LNX2: variants seen among roughly 807,000 people sequenced by gnomAD.
The protein encoded by LNX2 is ligand of numb-protein X 2.
A neutral mutation model predicts 66.2 loss-of-function variants in LNX2; 35 were observed. The observed-to-expected ratio is 0.53, with a 90% CI of 0.40 to 0.70. The LOEUF (loss-of-function observed/expected upper bound fraction) is 0.70. LNX2 is among the 30% of genes least tolerant of loss of function. The pLI is 0.00. For missense variants in LNX2, 791 were observed against 850.8 expected (o/e 0.93, Z 0.87); for synonymous variants, 337 against 315.6 (o/e 1.07, Z -0.72).
intron 1 of LNX2, among the ~76,000 whole-genome samples, chr13:27,601,383 A>G (rs1955656619): frequency 6.6e-6 from 1 of 152,210 alleles, no homozygotes; most frequent in South Asian, 2.1e-4. Flanking sequence ...ACGTGATGCA[A>G]TTCCACAGAA....
intron 9 of LNX2, among the ~76,000 whole-genome samples, chr13:27,549,444 C>T (rs894066396): frequency 2.6e-5 from 4 of 152,116 alleles, no homozygotes; most frequent in Admixed American, 6.6e-5. Context: ...TTTGATAAGA[C>T]GCTGTACACT....
intron 2 of LNX2, among the ~76,000 whole-genome samples, chr13:27,577,850 G>A (rs988620457): frequency 2.6e-5 from 4 of 152,184 alleles, no homozygotes; most frequent in African/African-American, 9.7e-5. Context: ...AGGGTGGGTT[G>A]GAGATGAGTG....
At chr13:27,574,951 C>G (rs144167678) in intron 2 of LNX2, among the ~76,000 whole-genome samples, 2 of 152,174 alleles carry the variant, frequency 1.3e-5, no homozygotes, top group Non-Finnish European at 2.9e-5. Flanking sequence ...GGAGAAAACT[C>G]TCAACCAGGA....
In LNX2 at chr13:27,547,159, T is replaced by A. The variant is rs1439455634; in HGVS notation, c.*1176A>T. 6.6e-6 allele frequency: 1 copy of A among 152,240 alleles called. No individual in the cohort carries two copies. The highest frequency in any genetic ancestry group is 1.5e-5 in the Non-Finnish European group (1 of 68,028). The allele number at this position is 152,240 out of a possible 1,614,324, so 9.4% of individuals were successfully genotyped here. A position where few individuals can be genotyped will look rare whatever the true frequency, so the allele number is the denominator to read the frequency against. Reference sequence around the variant, plus strand: ...AGGTATTTAATAATATGGTTTTATCTTTATCATTTCGTTTAATCGCATAAA... The same window carrying A: ...AGGTATTTAATAATATGGTTTTATCATTATCATTTCGTTTAATCGCATAAA... On this transcript the variant is annotated 3_prime_UTR_variant, in exon 10 of 10. Transcript: ENST00000316334.
At chr13:27,604,802 C>T (rs1391711143) in intron 1 of LNX2, among the ~76,000 whole-genome samples, 4 of 151,160 alleles carry the variant, frequency 2.6e-5, no homozygotes, top group Non-Finnish European at 5.9e-5. Flanking sequence ...TATGCTTGCT[C>T]CTAAATTGCC....
At chr13:27,570,954 C>T (rs1052938527) in intron 2 of LNX2, among the ~76,000 whole-genome samples, 3 of 152,114 alleles carry the variant, frequency 2.0e-5, no homozygotes, top group Non-Finnish European at 4.4e-5. Context: ...ACAAAAATAA[C>T]TTTTAAAAGG....
In LNX2 at chr13:27,586,570, G is replaced by A. The variant is rs916675147; in HGVS notation, c.-100-4767C>T. 2.6e-5 allele frequency among the ~76,000 whole-genome samples: 4 copies of A among 152,314 alleles called. No homozygotes were observed. The South Asian group carries it at 8.3e-4, about 32-fold the overall frequency. On this transcript the variant is annotated intron_variant, in intron 1 of 9. Coordinates refer to ENST00000316334, the MANE Select transcript of LNX2 (RefSeq NM_153371.4). ...ATAAATGTTGAATGACCAACTGGGT[G>A]ACAATAATGCTTTCTTTCAGCAAGT...
intron 1 of LNX2, among the ~76,000 whole-genome samples, chr13:27,599,338 T>C (rs897070298): frequency 6.6e-6 from 1 of 152,226 alleles, no homozygotes; most frequent in Non-Finnish European, 1.5e-5. Flanking sequence ...AAGGAGCCTT[T>C]GTTTACTCAT....
intron 1 of LNX2, among the ~76,000 whole-genome samples, chr13:27,616,923 G>C (rs150641073): frequency 6.6e-6 from 1 of 152,082 alleles, no homozygotes; most frequent in Non-Finnish European, 1.5e-5. Context: ...GCTAATTTTC[G>C]TATTTTTAGT....
intron 2 of LNX2, among the ~76,000 whole-genome samples, chr13:27,572,497 A>T (rs1039269298): frequency 1.3e-5 from 2 of 152,210 alleles, no homozygotes; most frequent in Admixed American, 1.3e-4. Context: ...CTCCTGAGGG[A>T]GGGATCTGTA....
At position 27,619,621 on chromosome 13, in the gene LNX2, G is replaced by A. The variant is rs373294884; in HGVS notation, c.-101+754C>T. Among the ~76,000 whole-genome samples, 8 of 152,306 alleles carry A rather than the reference G, an allele frequency of 5.3e-5. No homozygotes were observed. In the East Asian group the frequency reaches 1.2e-3, roughly 22 times the overall value. ...GCATAATATACACAGCAAAGCCCATGCATAAGTGTACTTTAGCTCCTGGTA... is the reference window on the plus strand; with the variant it reads ...GCATAATATACACAGCAAAGCCCATACATAAGTGTACTTTAGCTCCTGGTA... On this transcript the variant is annotated intron_variant, in intron 1 of 9. Coordinates refer to ENST00000316334, the MANE Select transcript of LNX2 (RefSeq NM_153371.4).
At chr13:27,614,669 T>C (rs372499548) in intron 1 of LNX2, among the ~76,000 whole-genome samples, 100 of 152,258 alleles carry the variant, frequency 6.6e-4, no homozygotes, top group Non-Finnish European at 1.2e-3. Flanking sequence ...GAAGAACCCA[T>C]TGGGCAGCTA....
intron 1 of LNX2, among the ~76,000 whole-genome samples, chr13:27,598,365 T>C (rs1340140978): frequency 6.6e-6 from 1 of 152,072 alleles, no homozygotes; most frequent in Non-Finnish European, 1.5e-5. Flanking sequence ...AAGGACAGAA[T>C]ATTAGGATTT....
At chr13:27,580,342 T>A (rs1445973333) in intron 2 of LNX2, among the ~76,000 whole-genome samples, 1 of 121,570 alleles carries the variant, frequency 8.2e-6, no homozygotes, top group Non-Finnish European at 1.8e-5. Context: ...TGATTTTATG[T>A]GTGAGTATAA....
At chr13:27,596,874 T>C (rs937345093) in intron 1 of LNX2, among the ~76,000 whole-genome samples, 24 of 152,336 alleles carry the variant, frequency 1.6e-4, no homozygotes, top group African/African-American at 5.8e-4. Flanking sequence ...CTACTCCCAA[T>C]GTCATAACAT....
At chr13:27,612,097 G>C (rs920651887) in intron 1 of LNX2, among the ~76,000 whole-genome samples, 2 of 152,220 alleles carry the variant, frequency 1.3e-5, no homozygotes, top group South Asian at 2.1e-4. Context: ...AAAAGTCCTA[G>C]AGAAATCACA....
intron 1 of LNX2, among the ~76,000 whole-genome samples, chr13:27,586,353 T>A (rs1955487056): frequency 6.6e-6 from 1 of 152,122 alleles, no homozygotes; most frequent in African/African-American, 2.4e-5. Context: ...GAGTATGAGT[T>A]TTGGAAGGAG....
rs1472509201 is a variant in LNX2, at chr13:27,604,312, A to G, written c.-101+16063T>C. On this transcript the variant is annotated intron_variant, in intron 1 of 9. Transcript: ENST00000316334. ...TGCTATGGTACCCTCTCAGATGAGG[A>G]GAGCAGGCATGGCCAGCAGATCCAC... Among the ~76,000 whole-genome samples the G allele has an allele frequency of 5.9e-5, 9 of 152,242 alleles. No individual in the cohort carries two copies. The East Asian group carries it at 1.3e-3, about 23-fold the overall frequency.
intron 2 of LNX2, among the ~76,000 whole-genome samples, chr13:27,569,889 T>A (rs61225312): frequency 0.025 from 3,759 of 152,314 alleles, 164 homozygotes; most frequent in African/African-American, 0.085. Flanking sequence ...ATAGAATTAT[T>A]GATATGCTAT....
Sources: gnomAD v4.1 joint callset for allele counts (sites outside exome capture counted in the v4.1 genomes callset) on GRCh38, gnomAD v4.1.1 for gene constraint, MANE v1.5 for transcripts, NCBI Gene and HGNC (gene_info 2026-07-23, HGNC 2026-07-21) for gene names.